The following PDE1A variants were observed in gnomAD, a reference collection of about 807,000 sequenced individuals.
The protein encoded by PDE1A is dual specificity calcium/calmodulin-dependent 3',5'-cyclic nucleotide phosphodiesterase 1A.
PDE1A carries 35 observed loss-of-function variants against 61.7 expected under a neutral mutation model. The observed-to-expected ratio is 0.57, with a 90% CI of 0.43 to 0.75. PDE1A has a LOEUF of 0.75. Ranked by LOEUF, PDE1A falls within the 30% of genes least tolerant of loss-of-function variation. The pLI is 0.00. For missense variants in PDE1A, 597 were observed against 630.6 expected (o/e 0.95, Z 0.57); for synonymous variants, 232 against 213.2 (o/e 1.09, Z -0.77).
chr2:182,334,998 C>G (rs1697694787), intron 1 of PDE1A, among the ~76,000 whole-genome samples: 1 of 152,038 alleles, frequency 6.6e-6, no homozygotes, highest in Non-Finnish European at 1.5e-5. Context: ...AAACAGAGAG[C>G]CAAATCATGA....
chr2:182,612,829 AC>A, the PDE1A span, among the ~76,000 whole-genome samples: 1 of 152,212 alleles, frequency 6.6e-6, no homozygotes, highest in African/African-American at 2.4e-5. Flanking sequence ...TATTTTATAA[AC>A]TTTTCCTCTG....
the PDE1A span, among the ~76,000 whole-genome samples, chr2:182,702,123 G>T: frequency 6.6e-6 from 1 of 152,006 alleles, no homozygotes; most frequent in African/African-American, 2.4e-5. Context: ...ATTGATTTTT[G>T]AGTGGAGTCT....
chr2:182,146,555 G>A (rs1056877607), downstream of PDE1A, among the ~76,000 whole-genome samples: 9 of 151,942 alleles, frequency 5.9e-5, no homozygotes, highest in South Asian at 2.1e-4. Context: ...GCCTGATCTC[G>A]CTCACTGCAA....
chr2:182,347,686 C>G (rs17343311), intron 1 of PDE1A, among the ~76,000 whole-genome samples: 49,230 of 151,838 alleles, frequency 0.32, 9,757 homozygotes, highest in Middle Eastern at 0.45. Context: ...AGAATGAATA[C>G]GGTGAATGCT....
intron 10 of PDE1A, among the ~76,000 whole-genome samples, chr2:182,193,022 C>G (rs1209460263): frequency 6.6e-5 from 10 of 152,066 alleles, no homozygotes; most frequent in African/African-American, 2.4e-4. Context: ...GAGTCTCACT[C>G]TGTCGCCCAG....
the PDE1A span, among the ~76,000 whole-genome samples, chr2:182,657,090 G>A: frequency 0.024 from 3,709 of 152,222 alleles, 86 homozygotes; most frequent in South Asian, 0.057. Context: ...TGGCTTGGTG[G>A]TGCATGCCTA....
At chr2:182,277,156 T>C (rs1337002637) in intron 1 of PDE1A, among the ~76,000 whole-genome samples, 1 of 152,070 alleles carries the variant, frequency 6.6e-6, no homozygotes, top group Non-Finnish European at 1.5e-5. Flanking sequence ...CTTTGAAGCA[T>C]GTGATCTTTG....
intron 1 of PDE1A, among the ~76,000 whole-genome samples, chr2:182,398,444 T>A (rs138131426): frequency 0.012 from 1,794 of 152,176 alleles, 12 homozygotes; most frequent in Non-Finnish European, 0.018. Flanking sequence ...TGATGACTCA[T>A]TAAATCATTT....
intron 1 of PDE1A, among the ~76,000 whole-genome samples, chr2:182,370,722 G>T (rs1004198644): frequency 4.6e-5 from 7 of 152,184 alleles, no homozygotes; most frequent in African/African-American, 1.7e-4. Context: ...ATGAGCTCGT[G>T]TGTGTTACAG....
the PDE1A span, among the ~76,000 whole-genome samples, chr2:182,650,050 G>A: frequency 1.3e-5 from 2 of 152,142 alleles, no homozygotes; most frequent in African/African-American, 4.8e-5. Flanking sequence ...AGGTGTGATC[G>A]TACTCCAGCC....
the PDE1A span, among the ~76,000 whole-genome samples, chr2:182,613,587 T>C: frequency 6.6e-6 from 1 of 151,714 alleles, no homozygotes; most frequent in Non-Finnish European, 1.5e-5. Context: ...AATCATTAAA[T>C]AATGTTTTCA....
intron 2 of PDE1A, among the ~76,000 whole-genome samples, chr2:182,477,860 T>C (rs939594936): frequency 2.0e-5 from 3 of 151,836 alleles, no homozygotes; most frequent in Admixed American, 2.0e-4. Flanking sequence ...CACAACCCAA[T>C]CACAAAAACA....
intron 1 of PDE1A, among the ~76,000 whole-genome samples, chr2:182,339,382 T>C (rs1216326994): frequency 6.6e-6 from 1 of 152,230 alleles, no homozygotes; most frequent in Non-Finnish European, 1.5e-5. Flanking sequence ...AACAAAAGTA[T>C]GGCAATAAAA....
At chr2:182,400,074 T>C (rs1701916471) in intron 1 of PDE1A, among the ~76,000 whole-genome samples, 1 of 152,180 alleles carries the variant, frequency 6.6e-6, no homozygotes, top group African/African-American at 2.4e-5. Flanking sequence ...AAATATTGTT[T>C]TAATTTGCCT....
the PDE1A span, among the ~76,000 whole-genome samples, chr2:182,715,722 C>T: frequency 6.6e-6 from 1 of 152,280 alleles, no homozygotes; most frequent in East Asian, 1.9e-4. Context: ...GTCTCAAATG[C>T]TTGTTGATAC....
intron 4 of PDE1A, among the ~76,000 whole-genome samples, chr2:182,232,812 C>T (rs1689688731): frequency 6.6e-6 from 1 of 152,188 alleles, no homozygotes; most frequent in Non-Finnish European, 1.5e-5. Flanking sequence ...TTTATATTTA[C>T]AGTTCCAACT....
intron 7 of PDE1A, among the ~76,000 whole-genome samples, chr2:182,215,340 C>G: frequency 8.6e-6 from 1 of 116,536 alleles, no homozygotes; most frequent in Admixed American, 9.2e-5. Flanking sequence ...ACACCCTAAC[C>G]TCACAATTAA....
At chr2:182,351,182 G>A (rs541266524) in intron 1 of PDE1A, among the ~76,000 whole-genome samples, 5 of 152,202 alleles carry the variant, frequency 3.3e-5, no homozygotes, top group East Asian at 1.9e-4. Context: ...ACTTTGCCTC[G>A]CAGCACTTGA....
chr2:182,716,006 C>T, the PDE1A span: 1 of 152,612 alleles, frequency 6.6e-6, no homozygotes, highest in Non-Finnish European at 1.5e-5. Context: ...GCGGGCTTCG[C>T]CATCCACCCT....
Sources: allele counts gnomAD v4.1 joint callset (sites outside exome capture counted in the v4.1 genomes callset), GRCh38; gene constraint gnomAD v4.1.1; transcripts MANE v1.5; gene names NCBI Gene and HGNC (gene_info 2026-07-23, HGNC 2026-07-21).